The following YEATS2 variants were observed in gnomAD, a reference collection of about 807,000 sequenced individuals.
YEATS2 encodes YEATS domain-containing protein 2.
A neutral mutation model predicts 163.2 loss-of-function variants in YEATS2; 77 were observed. The observed-to-expected ratio is 0.47, with a 90% CI of 0.39 to 0.57. YEATS2 has a LOEUF of 0.57. Among genes scored for constraint, YEATS2 ranks in the 20% least tolerant of loss-of-function variants. The pLI, the probability that YEATS2 is intolerant of heterozygous loss-of-function variation, is 0.00. For missense variants in YEATS2, 1,549 were observed against 1,729.8 expected, an observed-to-expected ratio of 0.90 and a Z score of 1.85; for synonymous variants, 631 against 645.1, an observed-to-expected ratio of 0.98 and a Z score of 0.33.
chr3:183,713,955 C>T lies in YEATS2; in HGVS notation c.-19-1189C>T, dbSNP rs970324087. ...GAGTAGCTGGGACTGCAGGTGCCCACCATTATGCCCAGCTAATTTTTGTAG... is the reference window on the plus strand; with the variant it reads ...GAGTAGCTGGGACTGCAGGTGCCCATCATTATGCCCAGCTAATTTTTGTAG... On this transcript the variant is annotated intron_variant, in intron 1 of 30. Coordinates refer to ENST00000305135, the MANE Select transcript of YEATS2 (RefSeq NM_018023.5). 2.6e-5 allele frequency among the ~76,000 whole-genome samples: 4 copies of T among 151,900 alleles called. No homozygotes were observed. The South Asian group carries it at 8.3e-4, about 32-fold the overall frequency.
intron 13 of YEATS2, among the ~76,000 whole-genome samples, chr3:183,759,447 A>G (rs574883335): frequency 6.6e-6 from 1 of 152,340 alleles, no homozygotes; most frequent in East Asian, 1.9e-4. Context: ...ATACTTGCTT[A>G]TAAAAATATT....
At chr3:183,744,825 G>C (rs552588251) in intron 8 of YEATS2, among the ~76,000 whole-genome samples, 15 of 151,472 alleles carry the variant, frequency 9.9e-5, no homozygotes, top group Admixed American at 2.0e-4. Flanking sequence ...TTTACATTCC[G>C]TCCTCCGCCC....
At chr3:183,757,196 C>G (rs1720858464) in intron 12 of YEATS2, among the ~76,000 whole-genome samples, 2 of 152,166 alleles carry the variant, frequency 1.3e-5, no homozygotes, top group Admixed American at 1.3e-4. Flanking sequence ...GTGTTCCTCA[C>G]TGTAATCCCA....
chr3:183,777,141 G>T (rs1015898658), intron 18 of YEATS2, among the ~76,000 whole-genome samples: 1 of 152,212 alleles, frequency 6.6e-6, no homozygotes, highest in African/African-American at 2.4e-5. Context: ...AGTTAAGTTA[G>T]ATTTGATTAG....
intron 1 of YEATS2, 123 bp downstream of exon 1, chr3:183,698,116 G>C (rs1308771772): frequency 2.0e-5 from 3 of 152,118 alleles, no homozygotes; most frequent in Non-Finnish European, 4.4e-5. Flanking sequence ...CAGCGCGGCA[G>C]CGGGACCCGG....
chr3:183,708,383 A>G (rs771950041), intron 1 of YEATS2, among the ~76,000 whole-genome samples: 66 of 152,070 alleles, frequency 4.3e-4, no homozygotes, highest in Non-Finnish European at 1.3e-4. Context: ...CACATCTTAT[A>G]TGATGTGTTT....
intron 21 of YEATS2, chr3:183,793,487 TGA>T (rs1234100873): frequency 2.4e-4 from 162 of 670,460 alleles, no homozygotes; most frequent in East Asian, 3.9e-4. Context: ...ATTATAATAA[TGA>T]ATACCTTGTC....
intron 8 of YEATS2, among the ~76,000 whole-genome samples, chr3:183,745,976 C>T (rs952238151): frequency 6.6e-6 from 1 of 152,138 alleles, no homozygotes; most frequent in East Asian, 1.9e-4. Context: ...GGACCACAGG[C>T]GTGCGCCACC....
intron 8 of YEATS2, among the ~76,000 whole-genome samples, chr3:183,741,452 T>C (rs1221636762): frequency 1.3e-5 from 2 of 152,212 alleles, no homozygotes; most frequent in Admixed American, 1.3e-4. Flanking sequence ...TTTCAAAATA[T>C]TGTTGCTCAT....
At chr3:183,730,048 G>GTTTTTTTTTTTT (rs1476187052) in intron 7 of YEATS2, among the ~76,000 whole-genome samples, 1 of 20,820 alleles carries the variant, frequency 4.8e-5, no homozygotes, top group African/African-American at 1.3e-4. Flanking sequence ...GTGGTTTTTT[G>GTTTTTTTTTTTT]TTTGTTTTTT....
intron 15 of YEATS2, among the ~76,000 whole-genome samples, chr3:183,763,448 G>T (rs984576401): frequency 2.6e-5 from 4 of 152,170 alleles, no homozygotes; most frequent in Non-Finnish European, 5.9e-5. Flanking sequence ...CGTTAATGTG[G>T]TAGATGACTA....
intron 19 of YEATS2, among the ~76,000 whole-genome samples, chr3:183,785,573 T>C (rs930669408): frequency 2.6e-5 from 4 of 151,906 alleles, no homozygotes; most frequent in Admixed American, 6.6e-5. Flanking sequence ...GGAGGATCAC[T>C]TGAGCCCAGG....
At chr3:183,724,605 T>A in intron 6 of YEATS2, 74 bp downstream of exon 6, 1 of 1,074,756 alleles carries the variant, frequency 9.3e-7, no homozygotes. Flanking sequence ...CTTACAGTGT[T>A]ACAGTAGGAA....
At chr3:183,751,995 T>G (rs1720214167) in intron 9 of YEATS2, 78 bp from the exon 10 acceptor site, 2 of 1,497,356 alleles carry the variant, frequency 1.3e-6, no homozygotes, top group Non-Finnish European at 1.8e-6. Context: ...TCCCGGAGAT[T>G]ACATTCTTGG....
At chr3:183,729,991 T>TAA (rs1055585595) in intron 7 of YEATS2, among the ~76,000 whole-genome samples, 5 of 145,404 alleles carry the variant, frequency 3.4e-5, no homozygotes, top group Non-Finnish European at 6.0e-5. Flanking sequence ...TGCCCGGCCT[T>TAA]ATTCTTTACA....
At chr3:183,770,384 A>C (rs1027896973) in intron 15 of YEATS2, among the ~76,000 whole-genome samples, 4 of 152,124 alleles carry the variant, frequency 2.6e-5, no homozygotes, top group Non-Finnish European at 5.9e-5. Context: ...TCAAAAAAAA[A>C]CAAAAAACAA....
rs1283187731 is a variant in YEATS2, at chr3:183,810,553, A to G, written c.4239A>G (p.Lys1413=). 6.2e-7 allele frequency: 1 copy of G among 1,614,016 alleles called. No homozygotes were observed. The highest frequency in any genetic ancestry group is 8.5e-7 in the Non-Finnish European group (1 of 1,180,010). Residue 1413 remains lysine (K), a synonymous_variant, in exon 31 of 31, where the codon AAA becomes AAG. Transcript: ENST00000305135. ...NIPFLDFLTN[K]HMGILNEDQ ...CTTTTCTGGACTTCCTCACAAACAAACACATGGGAATATTGAATGAGGACC... is the reference window on the plus strand; with the variant it reads ...CTTTTCTGGACTTCCTCACAAACAAGCACATGGGAATATTGAATGAGGACC...
At chr3:183,798,151 A>C in intron 22 of YEATS2, 100 bp downstream of exon 22, 1 of 1,526,132 alleles carries the variant, frequency 6.6e-7, no homozygotes, top group African/African-American at 1.4e-5. Context: ...GCCACCCTTC[A>C]GCTGTCACGG....
At chr3:183,745,238 A>T (rs1719405425) in intron 8 of YEATS2, among the ~76,000 whole-genome samples, 1 of 152,228 alleles carries the variant, frequency 6.6e-6, no homozygotes, top group African/African-American at 2.4e-5. Context: ...CATCCTACAC[A>T]ACAGTATCTG....
Sources: allele counts gnomAD v4.1 joint callset (sites outside exome capture counted in the v4.1 genomes callset), GRCh38; gene constraint gnomAD v4.1.1; transcripts MANE v1.5; gene names NCBI Gene and HGNC (gene_info 2026-07-23, HGNC 2026-07-21).